The following C9orf85 variants were observed in gnomAD, a reference collection of about 807,000 sequenced individuals.
C9orf85 encodes the protein chromosome 9 open reading frame 85.
C9orf85 carries 16 observed loss-of-function variants against 14.9 expected under a neutral mutation model. That is an observed-to-expected ratio of 1.08 (90% CI 0.73 to 1.63). C9orf85 has a LOEUF of 1.63. C9orf85 is among the 40% of genes most tolerant of loss of function. The pLI is 0.00. For synonymous variants in C9orf85, 45 were observed against 56.8 expected (o/e 0.79, Z 0.93); for missense variants, 172 against 186.1 (o/e 0.92, Z 0.44).
At chr9:71,930,335 C>A (rs1039418711) in intron 1 of C9orf85, among the ~76,000 whole-genome samples, 2 of 152,064 alleles carry the variant, frequency 1.3e-5, no homozygotes, top group Non-Finnish European at 2.9e-5. Flanking sequence ...GAAACTCATG[C>A]ATATAGCTAT....
At chr9:71,949,235 A>G (rs552530902) in intron 2 of C9orf85, among the ~76,000 whole-genome samples, 1 of 152,354 alleles carries the variant, frequency 6.6e-6, no homozygotes, top group Non-Finnish European at 1.5e-5. Context: ...ACAGCATTTT[A>G]ATAGATTAGT....
downstream of C9orf85, among the ~76,000 whole-genome samples, chr9:71,977,534 A>G (rs1331013615): frequency 1.3e-5 from 2 of 152,260 alleles, no homozygotes; most frequent in African/African-American, 4.8e-5. Context: ...TACACATTAT[A>G]CATTTATAAT....
chr9:71,978,725 A>C lies in C9orf85; in HGVS notation c.324-3932A>C, dbSNP rs111676094. Among the ~76,000 whole-genome samples, 233 of 152,246 alleles carry C rather than the reference A, an allele frequency of 1.5e-3. 1 individual carries two copies. Among genetic ancestry groups the C allele is most frequent in the Middle Eastern group, 0.01 (3 of 294 alleles). On this transcript the variant is annotated intron_variant, in intron 3 of 3. Transcript: ENST00000377031. ...GTAGCTACACAGGTACAGAAACATA[A>C]AATTCAGCACTTAAAATTTGTTTAT...
chr9:71,934,905 A>AT (rs1359987505), intron 1 of C9orf85, among the ~76,000 whole-genome samples: 1 of 152,156 alleles, frequency 6.6e-6, no homozygotes, highest in East Asian at 1.9e-4. Flanking sequence ...ATATAATACT[A>AT]TAACTATTAC....
chr9:71,962,956 T>C (rs1822560884), intron 2 of C9orf85, among the ~76,000 whole-genome samples: 1 of 152,006 alleles, frequency 6.6e-6, no homozygotes, highest in Non-Finnish European at 1.5e-5. Context: ...CTCGGGAGGC[T>C]GAGGCACGAT....
intron 1 of C9orf85, among the ~76,000 whole-genome samples, chr9:71,942,440 A>C (rs1821956315): frequency 6.6e-6 from 1 of 152,180 alleles, no homozygotes; most frequent in South Asian, 2.1e-4. Flanking sequence ...TAACAAGTGC[A>C]CTTTCCAGCT....
At chr9:71,965,625 G>A (rs1392408753) in intron 2 of C9orf85, among the ~76,000 whole-genome samples, 1 of 152,116 alleles carries the variant, frequency 6.6e-6, no homozygotes, top group Non-Finnish European at 1.5e-5. Context: ...TATAGATGGG[G>A]TCTCTCTATG....
intron 1 of C9orf85, among the ~76,000 whole-genome samples, chr9:71,937,318 G>A (rs17491074): frequency 0.11 from 17,096 of 152,144 alleles, 1,101 homozygotes; most frequent in Middle Eastern, 0.15. Context: ...TGAAAATCTC[G>A]GTAGTTTGCT....
At position 71,947,220 on chromosome 9, in the gene C9orf85, T is replaced by A; in HGVS notation, c.209+108T>A. 6.8e-6 allele frequency: 5 copies of A among 733,088 alleles called. No individual in the cohort carries two copies. The South Asian group carries it at 1.0e-4, about 15-fold the overall frequency. The allele number at this position is 733,088 out of a possible 1,614,324, so 45.4% of individuals were successfully genotyped here. A position where few individuals can be genotyped will look rare whatever the true frequency, so the allele number is the denominator to read the frequency against. On this transcript the variant is annotated intron_variant, in intron 2 of 3. Transcript: ENST00000334731. ...TCCAAATAAATGTTAAAGTAAATGATGAAAAAATTCCATTCTCCCCTGTAG... is the reference window on the plus strand; with the variant it reads ...TCCAAATAAATGTTAAAGTAAATGAAGAAAAAATTCCATTCTCCCCTGTAG...
At chr9:71,935,790 C>T (rs1380025436) in intron 1 of C9orf85, among the ~76,000 whole-genome samples, 2 of 152,044 alleles carry the variant, frequency 1.3e-5, no homozygotes, top group East Asian at 3.9e-4. Context: ...GAAAAGAGTT[C>T]TGGACATGGA....
intron 1 of C9orf85, among the ~76,000 whole-genome samples, chr9:71,942,701 G>A (rs1203225307): frequency 2.6e-5 from 4 of 152,084 alleles, no homozygotes; most frequent in East Asian, 3.9e-4. Flanking sequence ...TCAGGAGTTC[G>A]AGACCAGCCT....
chr9:71,947,109 AGTG>A lies in C9orf85; in HGVS notation c.209+1_209+3del. ...TACAAACCATTATCAAAACCTAAAA[AGTG>A]GTGAGTTAAGATTCTTCATTACCTT... On this transcript the variant is annotated inframe_deletion and splice_region_variant, in exon 2 of 4. Transcript: ENST00000334731. The A allele has an allele frequency of 1.2e-6, 2 of 1,606,176 alleles. No individual in the cohort carries two copies. The highest frequency in any genetic ancestry group is 1.7e-6 in the Non-Finnish European group (2 of 1,173,648).
chr9:71,946,164 T>A (rs1389002657), intron 1 of C9orf85, among the ~76,000 whole-genome samples: 2 of 152,198 alleles, frequency 1.3e-5, no homozygotes, highest in Non-Finnish European at 2.9e-5. Context: ...TTTCTAAAAC[T>A]TTTTTAACAT....
At chr9:71,943,135 C>T (rs1821983282) in intron 1 of C9orf85, among the ~76,000 whole-genome samples, 1 of 151,998 alleles carries the variant, frequency 6.6e-6, no homozygotes, top group Non-Finnish European at 1.5e-5. Context: ...GCATAAAATA[C>T]CTTATTTTAG....
chr9:71,978,440 G>A (rs145159986), downstream of C9orf85, among the ~76,000 whole-genome samples: 414 of 152,168 alleles, frequency 2.7e-3, 1 homozygote, highest in African/African-American at 9.6e-3. Context: ...TAGATCAAAT[G>A]TCTTTGAATT....
intron 2 of C9orf85, among the ~76,000 whole-genome samples, chr9:71,968,303 A>G (rs1466247222): frequency 1.3e-5 from 2 of 151,478 alleles, no homozygotes; most frequent in African/African-American, 2.4e-5. Flanking sequence ...TTATCAAATG[A>G]GTTGAAAAAT....
intron 1 of C9orf85, among the ~76,000 whole-genome samples, chr9:71,926,416 T>G (rs780746145): frequency 1.3e-5 from 2 of 152,148 alleles, no homozygotes; most frequent in Non-Finnish European, 2.9e-5. Flanking sequence ...TAATGTAGAT[T>G]TAGGCCCTCA....
At chr9:71,918,864 T>TATAA (rs1028941412) in intron 1 of C9orf85, among the ~76,000 whole-genome samples, 8 of 152,132 alleles carry the variant, frequency 5.3e-5, no homozygotes, top group African/African-American at 1.9e-4. Flanking sequence ...GTAATAATAA[T>TATAA]ATAAATAAAG....
intron 2 of C9orf85, among the ~76,000 whole-genome samples, chr9:71,958,736 C>G (rs1295425833): frequency 2.0e-5 from 3 of 152,008 alleles, no homozygotes; most frequent in Non-Finnish European, 4.4e-5. Flanking sequence ...TCTTTCTTTC[C>G]CCAGATCCAG....
Sources: allele counts gnomAD v4.1 joint callset (sites outside exome capture counted in the v4.1 genomes callset), GRCh38; gene constraint gnomAD v4.1.1; transcripts MANE v1.5; gene names NCBI Gene and HGNC (gene_info 2026-07-23, HGNC 2026-07-21).